Variants in KLHDC4 observed in about 807,000 individuals in gnomAD.
The protein encoded by KLHDC4 is kelch domain-containing protein 4.
KLHDC4 carries 90 observed loss-of-function variants against 62.4 expected under a neutral mutation model. The observed-to-expected ratio is 1.44, with a 90% CI of 1.22 to 1.72. The LOEUF (loss-of-function observed/expected upper bound fraction) is 1.72, where lower values mean the gene tolerates loss of function less well. KLHDC4 is among the 40% of genes most tolerant of loss of function. The pLI, the probability that KLHDC4 is intolerant of heterozygous loss-of-function variation, is 0.00. For missense variants in KLHDC4, 1,025 were observed against 699.7 expected (o/e 1.47, Z -5.25); for synonymous variants, 386 against 284.4 (o/e 1.36, Z -3.59).
chr16:87,698,698 C>G (rs1176815523), exon 1 of KLHDC4: 1 of 152,202 alleles, frequency 6.6e-6, no homozygotes, highest in Non-Finnish European at 1.5e-5. Flanking sequence ...CTGAGAGAAT[C>G]GAATCTTTAA....
At chr16:87,747,881 A>C (rs2143040153) in intron 5 of KLHDC4, among the ~76,000 whole-genome samples, 1 of 152,326 alleles carries the variant, frequency 6.6e-6, no homozygotes, top group Non-Finnish European at 1.5e-5. Context: ...GATGTGGAGA[A>C]GGCCTGTGTG....
chr16:87,725,278 A>G (rs1409520293), intron 7 of KLHDC4, among the ~76,000 whole-genome samples: 3 of 152,186 alleles, frequency 2.0e-5, no homozygotes, highest in African/African-American at 4.8e-5. Flanking sequence ...CTGTGGGTCA[A>G]TGACGCATAG....
intron 2 of KLHDC4, among the ~76,000 whole-genome samples, chr16:87,758,729 G>A (rs935385695): frequency 5.3e-5 from 8 of 152,156 alleles, no homozygotes; most frequent in African/African-American, 1.2e-4. Flanking sequence ...TACGTGTCAC[G>A]CTGCATTCGA....
In KLHDC4 at chr16:87,748,695, T is replaced by C. The variant is rs766266302; in HGVS notation, c.484A>G (p.Thr162Ala). The C allele has an allele frequency of 7.4e-6, 12 of 1,613,536 alleles. No individual in the cohort carries two copies. The highest frequency in any genetic ancestry group is 8.5e-6 in the Non-Finnish European group (10 of 1,179,940). Reference sequence around the variant, plus strand: ...TACTTGACTTGTTCCCAGGTCTTGGTGGCCAAATGCAGGACCCAGAGATCC... The same window carrying C: ...TACTTGACTTGTTCCCAGGTCTTGGCGGCCAAATGCAGGACCCAGAGATCC... ...YKDLWVLHLA[T>A]KTWEQVKSTG... Residue 162 changes from threonine (T) to alanine (A), a missense_variant, in exon 5 of 12, where the codon ACC (threonine) becomes GCC (alanine). Thr to Ala is a moderately conservative substitution (Grantham distance 58, BLOSUM62 0). Transcript: ENST00000270583.
intron 7 of KLHDC4, 29 bp from the exon 8 acceptor site, chr16:87,714,602 CGG>C: frequency 1.2e-6 from 2 of 1,612,188 alleles, no homozygotes; most frequent in Non-Finnish European, 1.7e-6. Context: ...GTGTGAGAAC[CGG>C]GGGCAGCTAC....
downstream of KLHDC4, among the ~76,000 whole-genome samples, chr16:87,705,942 C>T (rs200423081): frequency 5.3e-5 from 8 of 152,350 alleles, no homozygotes; most frequent in East Asian, 1.9e-4. Context: ...CCAAAGCCGG[C>T]GCAACGCAAC....
At chr16:87,709,148 G>A (rs1040044681) in intron 10 of KLHDC4, 117 bp downstream of exon 10, 25 of 1,309,848 alleles carry the variant, frequency 1.9e-5, no homozygotes, top group Non-Finnish European at 2.3e-5. Context: ...GAGCACAGGC[G>A]AGAAGTGTCG....
At chr16:87,759,945 G>A (rs2045608759) in intron 2 of KLHDC4, among the ~76,000 whole-genome samples, 1 of 152,134 alleles carries the variant, frequency 6.6e-6, no homozygotes, top group Admixed American at 6.6e-5. Context: ...TGAGGCAGCT[G>A]GTGTCATGCC....
intron 1 of KLHDC4, among the ~76,000 whole-genome samples, chr16:87,762,975 T>C (rs528178830): frequency 8.5e-5 from 13 of 152,254 alleles, no homozygotes; most frequent in African/African-American, 3.1e-4. Context: ...GTTCCTTCAA[T>C]GAAAACGCCA....
At chr16:87,755,066 C>G in intron 4 of KLHDC4, 128 bp downstream of exon 4, 1 of 601,200 alleles carries the variant, frequency 1.7e-6, no homozygotes, top group Non-Finnish European at 3.0e-6. Flanking sequence ...GAGCAAACAG[C>G]AGAACCAGGC....
intron 7 of KLHDC4, among the ~76,000 whole-genome samples, chr16:87,721,024 C>T (rs1490717034): frequency 3.9e-5 from 6 of 152,216 alleles, no homozygotes; most frequent in South Asian, 2.1e-4. Flanking sequence ...CATCCACATC[C>T]GAGACCACCT....
At position 87,711,303 on chromosome 16, in the gene KLHDC4, C is replaced by T; in HGVS notation, c.976G>A (p.Gly326Ser). Reference protein sequence around the residue: ...CDEEEEESLSGEFFNDLYFYD... With the variant: ...CDEEEEESLSSEFFNDLYFYD... ...AAGTACAGATCGTTGAAGAACTCGC[C>T]CGACAGGCTCTCCTCCTCTTCCTCG... Residue 326 changes from glycine (G) to serine (S), a missense_variant, in exon 9 of 12, where the codon GGC becomes AGC. Coordinates refer to ENST00000270583, the MANE Select transcript of KLHDC4 (RefSeq NM_017566.4). 1.2e-6 allele frequency: 2 copies of T among 1,614,122 alleles called. No individual in the cohort carries two copies. The highest frequency in any genetic ancestry group is 1.7e-6 in the Non-Finnish European group (2 of 1,180,048).
At chr16:87,755,713 C>G (rs560575668) in intron 3 of KLHDC4, 79 of 178,568 alleles carry the variant, frequency 4.4e-4, no homozygotes, top group African/African-American at 1.8e-3. Flanking sequence ...TACAGGCGCC[C>G]GCCACCACAC....
intron 7 of KLHDC4, among the ~76,000 whole-genome samples, chr16:87,721,244 C>A (rs149019281): frequency 1.3e-5 from 2 of 151,918 alleles, no homozygotes; most frequent in African/African-American, 2.4e-5. Flanking sequence ...CGCAGTAAAA[C>A]CCCGTCTCTA....
At chr16:87,716,381 G>C (rs1045171451) in intron 7 of KLHDC4, among the ~76,000 whole-genome samples, 6 of 152,216 alleles carry the variant, frequency 3.9e-5, no homozygotes, top group African/African-American at 1.4e-4. Flanking sequence ...TACTGACGCA[G>C]AGTTCGGCTA....
chr16:87,719,156 C>T (rs6540073), intron 7 of KLHDC4, among the ~76,000 whole-genome samples: 10,460 of 152,230 alleles, frequency 0.069, 1,176 homozygotes, highest in African/African-American at 0.24. Flanking sequence ...GCCGCCACCC[C>T]GTCTGGGAGG....
In KLHDC4 at chr16:87,755,368, G is replaced by T. The variant is rs560777383; in HGVS notation, c.271-76C>A. The T allele has an allele frequency of 1.9e-4, 154 of 790,990 alleles. 1 individual carries two copies. The East Asian group carries it at 4.0e-3, about 21-fold the overall frequency. The allele number at this position is 790,990 out of a possible 1,614,324, so 49.0% of individuals were successfully genotyped here. A position where few individuals can be genotyped will look rare whatever the true frequency, so the allele number is the denominator to read the frequency against. On this transcript the variant is annotated intron_variant, in intron 3 of 11. Transcript: ENST00000270583. The stretch of plus-strand genomic sequence containing the variant: ...AAGTGGTGAGAACAATCTTAATCAT[G>T]ACAATTCCCTGGGAAACTGACATGC...
intron 9 of KLHDC4, chr16:87,709,986 C>G: frequency 2.8e-6 from 1 of 353,676 alleles, no homozygotes; most frequent in East Asian, 4.7e-5. Context: ...AGGGCACCAG[C>G]CCCACAGGCT....
At chr16:87,734,954 TGA>T (rs1455747697) in intron 5 of KLHDC4, among the ~76,000 whole-genome samples, 2,375 of 26,596 alleles carry the variant, frequency 0.089, 139 homozygotes, top group African/African-American at 0.23. Flanking sequence ...CTCCCACTCC[TGA>T]CGAATTGCCT....
Sources: allele counts gnomAD v4.1 joint callset (sites outside exome capture counted in the v4.1 genomes callset), GRCh38; gene constraint gnomAD v4.1.1; transcripts MANE v1.5; gene names NCBI Gene and HGNC (gene_info 2026-07-23, HGNC 2026-07-21).